B3GLCT: variants seen among roughly 807,000 people sequenced by gnomAD.
The protein encoded by B3GLCT is beta 3-glucosyltransferase.
In B3GLCT, 65 loss-of-function variants were observed where a neutral mutation model predicts 63.4. The ratio of observed to expected loss-of-function variants is 1.03; its 90% CI spans 0.84 to 1.26. The LOEUF is 1.26. Among genes scored for constraint, B3GLCT ranks in the 50% most tolerant of loss-of-function variants. The pLI is 0.00. For synonymous variants in B3GLCT, 233 were observed against 219.2 expected, an observed-to-expected ratio of 1.06 and a Z score of -0.55; for missense variants, 577 against 604.8, an observed-to-expected ratio of 0.95 and a Z score of 0.48.
intron 6 of B3GLCT, among the ~76,000 whole-genome samples, chr13:31,256,063 T>C (rs1871723332): frequency 6.6e-6 from 1 of 152,066 alleles, no homozygotes; most frequent in African/African-American, 2.4e-5. Context: ...AGGGCTAATA[T>C]CTAGAATCTA....
intron 1 of B3GLCT, among the ~76,000 whole-genome samples, chr13:31,200,908 T>C (rs1868629492): frequency 6.6e-6 from 1 of 152,056 alleles, no homozygotes; most frequent in Admixed American, 6.5e-5. Flanking sequence ...AGCAGAGCAG[T>C]GCTTGCCCGG....
At chr13:31,261,225 GC>G in intron 7 of B3GLCT, 143 bp downstream of exon 7, 2 of 918,550 alleles carry the variant, frequency 2.2e-6, no homozygotes, top group Admixed American at 2.7e-5. Flanking sequence ...TGGAAAAGGA[GC>G]CAGATGCTTG....
rs777525848 is a variant in B3GLCT, at chr13:31,261,127, A to T, written c.596+45A>T. On this transcript the variant is annotated intron_variant, in intron 7 of 14. Transcript: ENST00000343307. ...TTTTCGGGGGGCGGGAGGGGTGTGCATCAACTTTAATTTCATTGAGTACTG... is the reference window on the plus strand; with the variant it reads ...TTTTCGGGGGGCGGGAGGGGTGTGCTTCAACTTTAATTTCATTGAGTACTG... 1.3e-5 allele frequency: 21 copies of T among 1,574,374 alleles called. No homozygotes were observed. In the East Asian group the frequency reaches 4.5e-4, roughly 34 times the overall value.
intron 10 of B3GLCT, among the ~76,000 whole-genome samples, chr13:31,281,727 A>G (rs1367087861): frequency 1.3e-5 from 2 of 152,238 alleles, no homozygotes; most frequent in African/African-American, 2.4e-5. Flanking sequence ...TTTTGTGACC[A>G]CTGACTTGCA....
chr13:31,271,411 A>G (rs1331216176), intron 8 of B3GLCT, among the ~76,000 whole-genome samples: 7 of 152,206 alleles, frequency 4.6e-5, no homozygotes, highest in Admixed American at 4.6e-4. Context: ...TTGCTATTAC[A>G]ACCATTGCTT....
chr13:31,287,431 TA>T (rs1259359346), intron 12 of B3GLCT, among the ~76,000 whole-genome samples: 2 of 152,144 alleles, frequency 1.3e-5, no homozygotes, highest in Non-Finnish European at 2.9e-5. Context: ...CTTGCCTCAA[TA>T]GGGGGGATAG....
intron 4 of B3GLCT, among the ~76,000 whole-genome samples, chr13:31,235,674 T>C (rs1566054905): frequency 6.6e-6 from 1 of 152,196 alleles, no homozygotes; most frequent in African/African-American, 2.4e-5. Flanking sequence ...ACCACTGTTA[T>C]TATTTTTTAA....
At chr13:31,320,046 A>G (rs1875259039) in intron 13 of B3GLCT, among the ~76,000 whole-genome samples, 1 of 152,088 alleles carries the variant, frequency 6.6e-6, no homozygotes, top group Non-Finnish European at 1.5e-5. Context: ...TCACTGTCAT[A>G]TCCTATATGA....
chr13:31,215,875 G>A (rs1193137121), intron 2 of B3GLCT, among the ~76,000 whole-genome samples: 2 of 152,180 alleles, frequency 1.3e-5, no homozygotes, highest in African/African-American at 4.8e-5. Flanking sequence ...AGGTGACTAT[G>A]CTACCAGAGA....
chr13:31,251,161 A>G (rs764978555), intron 6 of B3GLCT, among the ~76,000 whole-genome samples: 2 of 152,234 alleles, frequency 1.3e-5, no homozygotes, highest in Non-Finnish European at 2.9e-5. Flanking sequence ...AGAAAGGAAT[A>G]GTATCAACAT....
At chr13:31,302,151 G>A (rs986694076) in intron 12 of B3GLCT, among the ~76,000 whole-genome samples, 20 of 152,100 alleles carry the variant, frequency 1.3e-4, no homozygotes, top group Non-Finnish European at 2.2e-4. Flanking sequence ...GTAAAGCTTA[G>A]ACCACAAATT....
At chr13:31,253,247 A>C (rs1871526508) in intron 6 of B3GLCT, among the ~76,000 whole-genome samples, 1 of 152,202 alleles carries the variant, frequency 6.6e-6, no homozygotes, top group Admixed American at 6.5e-5. Context: ...CTAAATGCCC[A>C]CAAGAGAAGG....
At chr13:31,299,688 A>G (rs1874130897) in intron 12 of B3GLCT, among the ~76,000 whole-genome samples, 1 of 152,108 alleles carries the variant, frequency 6.6e-6, no homozygotes, top group Admixed American at 6.5e-5. Context: ...CCGTACCCCC[A>G]TATCCACTAA....
chr13:31,329,692 C>T lies in B3GLCT; in HGVS notation c.*24C>T. The T allele has an allele frequency of 3.1e-6, 5 of 1,613,034 alleles. No individual in the cohort carries two copies. Among genetic ancestry groups the T allele is most frequent in the Non-Finnish European group, 4.2e-6 (5 of 1,179,276 alleles). On this transcript the variant is annotated 3_prime_UTR_variant, in exon 15 of 15. Transcript: ENST00000343307. ...AAATCAGGGTGACCTGTGCGCCTAGCCTGCGCAGGGAATGAACTGGAGACT... is the reference window on the plus strand; with the variant it reads ...AAATCAGGGTGACCTGTGCGCCTAGTCTGCGCAGGGAATGAACTGGAGACT...
chr13:31,323,018 T>C (rs1429573267), intron 13 of B3GLCT, among the ~76,000 whole-genome samples: 6 of 152,218 alleles, frequency 3.9e-5, no homozygotes, highest in Non-Finnish European at 5.9e-5. Flanking sequence ...AACTTTCTTT[T>C]TATACCTTCC....
rs114343766 is a variant in B3GLCT, at chr13:31,243,320, C to A, written c.271-3703C>A. On this transcript the variant is annotated intron_variant, in intron 4 of 14. Coordinates refer to ENST00000343307, the MANE Select transcript of B3GLCT (RefSeq NM_194318.4). The stretch of plus-strand genomic sequence containing the variant: ...ATTAAGGACAAATGACAAATACTGG[C>A]AAATAGTCTGTTGACAAGGGAAAGA... 6.9e-3 allele frequency among the ~76,000 whole-genome samples: 1,052 copies of A among 152,240 alleles called. 12 individuals carry two copies. Among genetic ancestry groups the A allele is most frequent in the African/African-American group, 0.024 (1,004 of 41,544 alleles).
At chr13:31,324,385 G>T (rs941546359) in intron 14 of B3GLCT, among the ~76,000 whole-genome samples, 31 of 152,124 alleles carry the variant, frequency 2.0e-4, no homozygotes, top group Non-Finnish European at 4.4e-5. Context: ...TTGCAAATGG[G>T]TATCTCAATA....
Position 31,237,419 on chromosome 13 carries a change from T to C in B3GLCT, c.270+8125T>C, listed in dbSNP as rs1291984220. Among the ~76,000 whole-genome samples the C allele has an allele frequency of 4.7e-5, 7 of 148,410 alleles. No individual in the cohort carries two copies. In the East Asian group the frequency reaches 1.4e-3, roughly 30 times the overall value. ...CCTAGGCTGGAGTGCAGTGGTGCGA[T>C]CTCAGCTCACTGCAACCTCTGCCTT... is the stretch of plus-strand genomic sequence containing the variant. On this transcript the variant is annotated intron_variant, in intron 4 of 14. Transcript: ENST00000343307.
At position 31,274,520 on chromosome 13, in the gene B3GLCT, C is replaced by T. The variant is rs35019745; in HGVS notation, c.672C>T (p.Tyr224=). The change falls in exon 9 of 15, where the codon TAC becomes TAT. Residue 224 remains tyrosine (Y), a synonymous_variant. Coordinates refer to ENST00000343307, the MANE Select transcript of B3GLCT (RefSeq NM_194318.4). ...CTGTCTCGTGGCAGATTGCCCTCTA[C>T]ATCTGGGACAAAGGCGGAGGACCTC... The part of the protein sequence containing the change: ...TIDLKHEIAL[Y]IWDKGGGPPL... The T allele has an allele frequency of 0.02, 32,949 of 1,614,146 alleles. 403 individuals carry two copies. Among genetic ancestry groups the T allele is most frequent in the Non-Finnish European group, 0.024 (28,309 of 1,179,984 alleles).
Sources: gnomAD v4.1 joint callset for allele counts (sites outside exome capture counted in the v4.1 genomes callset) on GRCh38, gnomAD v4.1.1 for gene constraint, MANE v1.5 for transcripts, NCBI Gene and HGNC (gene_info 2026-07-23, HGNC 2026-07-21) for gene names.